Variants in KCNN2 observed in about 807,000 individuals in gnomAD.
The protein encoded by KCNN2 is small conductance calcium-activated potassium channel protein 2.
Under a neutral mutation model 55.5 loss-of-function variants are expected in KCNN2, and 24 were observed. That is an observed-to-expected ratio of 0.43 (90% confidence interval 0.31 to 0.61). The LOEUF (loss-of-function observed/expected upper bound fraction) is 0.61, where lower values mean the gene tolerates loss of function less well. Ranked by LOEUF, KCNN2 falls within the 20% of genes least tolerant of loss-of-function variation. KCNN2 has a pLI of 0.08. For synonymous variants in KCNN2, 431 were observed against 336.1 expected, an observed-to-expected ratio of 1.28 and a Z score of -3.09; for missense variants, 754 against 853.6, an observed-to-expected ratio of 0.88 and a Z score of 1.45.
At chr5:114,468,304 T>C (rs1178099005) in intron 4 of KCNN2, among the ~76,000 whole-genome samples, 1 of 152,110 alleles carries the variant, frequency 6.6e-6, no homozygotes, top group Admixed American at 6.6e-5. Flanking sequence ...CACATGTTTT[T>C]ATGAAAGAAT....
chr5:114,238,412 G>T (rs1419781190), intron 2 of KCNN2, among the ~76,000 whole-genome samples: 1 of 152,176 alleles, frequency 6.6e-6, no homozygotes, highest in East Asian at 1.9e-4. Flanking sequence ...GATTGTCTGA[G>T]CTCAGGAGTT....
intron 2 of KCNN2, among the ~76,000 whole-genome samples, chr5:114,279,864 G>A (rs551121025): frequency 1.3e-5 from 2 of 152,114 alleles, no homozygotes; most frequent in Non-Finnish European, 2.9e-5. Flanking sequence ...AGATCCTCGA[G>A]GAATTGCCAT....
At chr5:114,145,099 T>C (rs1415485471) in intron 1 of KCNN2, among the ~76,000 whole-genome samples, 3 of 152,290 alleles carry the variant, frequency 2.0e-5, no homozygotes, top group Non-Finnish European at 2.9e-5. Flanking sequence ...TGGGGAACAA[T>C]GAGCCTTGGC....
At chr5:114,249,065 T>G (rs1356778071) in intron 2 of KCNN2, among the ~76,000 whole-genome samples, 2 of 152,080 alleles carry the variant, frequency 1.3e-5, no homozygotes, top group Non-Finnish European at 2.9e-5. Flanking sequence ...TTTTCAGGAG[T>G]AAATTTCTAC....
At chr5:114,206,033 A>G (rs1753761788) in intron 1 of KCNN2, among the ~76,000 whole-genome samples, 1 of 152,308 alleles carries the variant, frequency 6.6e-6, no homozygotes, top group Non-Finnish European at 1.5e-5. Context: ...CAAAGTTCAT[A>G]AAAATTGATG....
At chr5:114,278,852 C>T (rs949725423) in intron 2 of KCNN2, among the ~76,000 whole-genome samples, 1 of 152,194 alleles carries the variant, frequency 6.6e-6, no homozygotes, top group Non-Finnish European at 1.5e-5. Context: ...CGCCCTACTT[C>T]AGCTCACCCT....
At chr5:114,161,816 C>T (rs140969523) in intron 1 of KCNN2, among the ~76,000 whole-genome samples, 12 of 152,178 alleles carry the variant, frequency 7.9e-5, no homozygotes, top group South Asian at 2.1e-4. Context: ...CTTGTGCATT[C>T]GTCACGTGGT....
Position 114,288,537 on chromosome 5 carries a change from T to C in KCNN2, c.-185+66972T>C, listed in dbSNP as rs369487031. Among the ~76,000 whole-genome samples the C allele has an allele frequency of 1.2e-3, 109 of 93,174 alleles. 1 individual carries two copies. The East Asian group carries it at 0.015, about 13-fold the overall frequency. 61.1% of individuals were successfully genotyped at this position (93,174 alleles called of 152,430 possible). Reference sequence around the variant, plus strand: ...ACACACACACACACACACATACACATAGATAATATTTTTTGATAGCCACAC... The same window carrying C: ...ACACACACACACACACACATACACACAGATAATATTTTTTGATAGCCACAC... On this transcript the variant is annotated intron_variant, in intron 2 of 10. Coordinates refer to the KCNN2 transcript ENST00000512097.
Position 114,362,759 on chromosome 5 carries a change from C to G in KCNN2, c.620C>G (p.Pro207Arg). Reference sequence around the variant, plus strand: ...CCCCAGGCGCGCCGCGAGAGCAACCCCTTCACCGAAATAGCCATGAGCAGC... The same window carrying G: ...CCCCAGGCGCGCCGCGAGAGCAACCGCTTCACCGAAATAGCCATGAGCAGC... ...HQPQARRESNPFTEIAMSSCR... is the reference protein window; with the variant it reads ...HQPQARRESNRFTEIAMSSCR... The change falls in exon 1 of 8, where the codon CCC (proline) becomes CGC (arginine). Residue 207 changes from proline to arginine, a missense_variant. Pro to Arg is a moderately radical substitution (Grantham distance 103). Coordinates refer to ENST00000673685, the MANE Select transcript of KCNN2 (RefSeq NM_021614.4). 4.5e-6 allele frequency: 7 copies of G among 1,566,660 alleles called. No individual in the cohort carries two copies. Among genetic ancestry groups the G allele is most frequent in the Non-Finnish European group, 6.0e-6 (7 of 1,162,536 alleles).
rs369784627 is a variant in KCNN2, at chr5:114,355,891, A to G, written c.-184-5054A>G. ...TTTTTAAAATACATTTTAATTAGGT[A>G]CCTTGGACCTGCAGGCATATAGCAC... is the stretch of plus-strand genomic sequence containing the variant. On this transcript the variant is annotated intron_variant, in intron 2 of 10. Transcript: ENST00000512097. Among the ~76,000 whole-genome samples the G allele has an allele frequency of 5.0e-4, 76 of 152,252 alleles. 1 individual carries two copies. In the Middle Eastern group the frequency reaches 0.01, roughly 20 times the overall value.
intron 1 of KCNN2, among the ~76,000 whole-genome samples, chr5:114,114,463 C>T (rs144446564): frequency 1.8e-3 from 275 of 151,940 alleles, no homozygotes; most frequent in African/African-American, 6.4e-3. Context: ...GGCTTTGAAA[C>T]CCTGGGCTCA....
intron 1 of KCNN2, among the ~76,000 whole-genome samples, chr5:114,184,238 A>C (rs1217128115): frequency 5.3e-5 from 8 of 152,212 alleles, no homozygotes; most frequent in Admixed American, 1.3e-4. Flanking sequence ...TCAGTGCTGC[A>C]AGTGATTAGG....
chr5:114,247,680 G>A (rs1183735122), intron 2 of KCNN2, among the ~76,000 whole-genome samples: 1 of 152,162 alleles, frequency 6.6e-6, no homozygotes, highest in Non-Finnish European at 1.5e-5. Context: ...TCCATGATGG[G>A]ATTTGTCAGA....
At chr5:114,274,348 A>G (rs1755436567) in intron 2 of KCNN2, among the ~76,000 whole-genome samples, 2 of 152,158 alleles carry the variant, frequency 1.3e-5, no homozygotes, top group African/African-American at 4.8e-5. Flanking sequence ...TGAAGTTTAA[A>G]GTAGTTTTTT....
chr5:114,333,777 C>A (rs897651661), intron 2 of KCNN2, among the ~76,000 whole-genome samples: 3 of 152,086 alleles, frequency 2.0e-5, no homozygotes, highest in Non-Finnish European at 2.9e-5. Context: ...ATAAATTCAA[C>A]AAATTCAAGG....
chr5:114,387,614 CTAAGGCTCT>C (rs1758324691), intron 2 of KCNN2, among the ~76,000 whole-genome samples: 1 of 152,180 alleles, frequency 6.6e-6, no homozygotes, highest in Non-Finnish European at 1.5e-5. Context: ...TTCCCAGTTG[CTAAGGCTCT>C]GAGCAGTTCA....
At chr5:114,433,327 C>G (rs1322020266) in intron 3 of KCNN2, among the ~76,000 whole-genome samples, 2 of 152,148 alleles carry the variant, frequency 1.3e-5, no homozygotes, top group African/African-American at 4.8e-5. Context: ...CCTTGGAGAA[C>G]CTTTGTGTGG....
chr5:114,323,813 T>C (rs1756663463), intron 2 of KCNN2, among the ~76,000 whole-genome samples: 1 of 151,876 alleles, frequency 6.6e-6, no homozygotes, highest in East Asian at 1.9e-4. Flanking sequence ...CATGCCCAGC[T>C]AATTTTTGTA....
intron 1 of KCNN2, among the ~76,000 whole-genome samples, chr5:114,093,298 T>G (rs558705946): frequency 6.6e-6 from 1 of 152,306 alleles, no homozygotes; most frequent in Non-Finnish European, 1.5e-5. Flanking sequence ...CACCTCAGCC[T>G]GGACTTCATT....
Sources: gnomAD v4.1 joint callset for allele counts (sites outside exome capture counted in the v4.1 genomes callset) on GRCh38, gnomAD v4.1.1 for gene constraint, MANE v1.5 for transcripts, NCBI Gene and HGNC (gene_info 2026-07-23, HGNC 2026-07-21) for gene names.